PCDH15: variants seen among roughly 807,000 people sequenced by gnomAD.
PCDH15 encodes the protein protocadherin-15.
Under a neutral mutation model 178.5 loss-of-function variants are expected in PCDH15, and 129 were observed. The observed-to-expected ratio is 0.72, with a 90% CI of 0.63 to 0.84. The LOEUF (loss-of-function observed/expected upper bound fraction) is 0.84. PCDH15 is among the 40% of genes least tolerant of loss of function. The pLI, the probability that PCDH15 is intolerant of heterozygous loss-of-function variation, is 0.00. For synonymous variants in PCDH15, 800 were observed against 732.0 expected (o/e 1.09, Z -1.50); for missense variants, 2,230 against 2,099.9 (o/e 1.06, Z -1.21).
At chr10:54,341,287 G>A (rs1285222271) in intron 6 of PCDH15, among the ~76,000 whole-genome samples, 2 of 152,094 alleles carry the variant, frequency 1.3e-5, no homozygotes, top group African/African-American at 2.4e-5. Context: ...ACTGGTTTAT[G>A]GGGGCAGTTT....
chr10:55,215,509 T>C (rs750167787), intron 1 of PCDH15, among the ~76,000 whole-genome samples: 14 of 152,064 alleles, frequency 9.2e-5, no homozygotes, highest in Non-Finnish European at 1.6e-4. Flanking sequence ...CTTGTTAATT[T>C]AGTACTAAGC....
At chr10:54,370,879 A>G (rs1185656694) in intron 4 of PCDH15, among the ~76,000 whole-genome samples, 2 of 151,882 alleles carry the variant, frequency 1.3e-5, no homozygotes, top group African/African-American at 4.8e-5. Flanking sequence ...GCCAACAAAG[A>G]AAAAGAAAGT....
chr10:55,192,215 T>C lies in PCDH15; in HGVS notation c.-155-25564A>G, dbSNP rs568837250. 1.3e-3 allele frequency among the ~76,000 whole-genome samples: 205 copies of C among 151,966 alleles called. 1 individual carries two copies. The highest frequency in any genetic ancestry group is 4.8e-3 in the African/African-American group (198 of 41,462). Reference sequence around the variant, plus strand: ...ATTTCTTCAGAGACAGGATGAAATTTGTAAATTTTATTTCCTCTGTCTCTT... The same window carrying C: ...ATTTCTTCAGAGACAGGATGAAATTCGTAAATTTTATTTCCTCTGTCTCTT... On this transcript the variant is annotated intron_variant, in intron 1 of 5. Transcript: ENST00000458638.
In PCDH15 at chr10:54,757,590, T is replaced by G. The variant is rs939170693; in HGVS notation, c.-29+43335A>C. ...GCCACCGCGCCCGGCCAATTCTACC[T>G]TCTTAAAAATTGGCTTTCCTTTAGA... is the stretch of plus-strand genomic sequence containing the variant. On this transcript the variant is annotated intron_variant, in intron 1 of 37. Coordinates refer to ENST00000644397, the MANE Select transcript of PCDH15 (RefSeq NM_001384140.1). 4.6e-5 allele frequency among the ~76,000 whole-genome samples: 7 copies of G among 152,116 alleles called. 2 individuals are homozygous for G. Among genetic ancestry groups the G allele is most frequent in the African/African-American group, 1.2e-4 (5 of 41,416 alleles).
chr10:54,159,386 G>T (rs1265930470), intron 13 of PCDH15, among the ~76,000 whole-genome samples: 1 of 152,054 alleles, frequency 6.6e-6, no homozygotes, highest in Non-Finnish European at 1.5e-5. Context: ...GTCTTCATTG[G>T]ATGTACCTAA....
At chr10:54,151,560 A>G (rs916022743) in intron 14 of PCDH15, among the ~76,000 whole-genome samples, 4 of 152,106 alleles carry the variant, frequency 2.6e-5, no homozygotes, top group Non-Finnish European at 2.9e-5. Context: ...ATGTAAAAGA[A>G]AAAAAGCCTA....
intron 28 of PCDH15, among the ~76,000 whole-genome samples, chr10:53,852,236 G>T (rs1021902615): frequency 6.6e-6 from 1 of 151,874 alleles, no homozygotes. Context: ...GTAGTTACGT[G>T]TCCCTACTGT....
At chr10:54,706,845 A>G (rs2095370421) in intron 1 of PCDH15, among the ~76,000 whole-genome samples, 1 of 151,838 alleles carries the variant, frequency 6.6e-6, no homozygotes, top group Admixed American at 6.6e-5. Context: ...CTGGTCTCAC[A>G]CTCCTGACCT....
In PCDH15 at chr10:54,159,539, G is replaced by T. The variant is rs537182340; in HGVS notation, c.1591-6246C>A. ...CATATTTTAAATGCTAATTTATTTT[G>T]AAATTATGTCTTTCAACCGTAAGAA... On this transcript the variant is annotated intron_variant, in intron 13 of 37. Transcript: ENST00000644397. 1.2e-3 allele frequency among the ~76,000 whole-genome samples: 182 copies of T among 152,194 alleles called. 2 individuals carry two copies. The highest frequency in any genetic ancestry group is 1.6e-3 in the Non-Finnish European group (107 of 68,012).
chr10:53,904,833 T>C (rs552621114), intron 25 of PCDH15, among the ~76,000 whole-genome samples: 1 of 152,298 alleles, frequency 6.6e-6, no homozygotes, highest in South Asian at 2.1e-4. Context: ...AAAGGAATTT[T>C]AGAATATGTC....
At chr10:55,213,426 A>G (rs1023771699) in intron 1 of PCDH15, among the ~76,000 whole-genome samples, 1 of 151,998 alleles carries the variant, frequency 6.6e-6, no homozygotes, top group Non-Finnish European at 1.5e-5. Flanking sequence ...TAAAACAGTT[A>G]CCAGGGGTGT....
rs1225584413 is a variant in PCDH15, at chr10:54,842,942, G to A, written c.-29+54508C>T. On this transcript the variant is annotated intron_variant, in intron 3 of 5. Coordinates refer to the PCDH15 transcript ENST00000458638. Reference sequence around the variant, plus strand: ...GGGAGGAAAATAAAAAGAAATAAGTGTCATCGTATGTTAATGTAATGAAAA... The same window carrying A: ...GGGAGGAAAATAAAAAGAAATAAGTATCATCGTATGTTAATGTAATGAAAA... Among the ~76,000 whole-genome samples, 10 of 151,942 alleles carry A rather than the reference G, an allele frequency of 6.6e-5. No homozygotes were observed. In the South Asian group the frequency reaches 2.1e-3, roughly 32 times the overall value.
At chr10:53,891,806 A>T (rs2081572405) in intron 26 of PCDH15, among the ~76,000 whole-genome samples, 2 of 151,506 alleles carry the variant, frequency 1.3e-5, no homozygotes, top group South Asian at 2.1e-4. Context: ...TAAAAAAAAA[A>T]AAAAAATACA....
intron 28 of PCDH15, among the ~76,000 whole-genome samples, chr10:53,852,367 A>G (rs577058896): frequency 1.4e-4 from 21 of 152,270 alleles, no homozygotes; most frequent in Admixed American, 1.3e-3. Context: ...CAGATATTCA[A>G]GGGTATCTGT....
rs1397555638 is a variant in PCDH15 at position 53,806,786 on chromosome 10, T to G, written c.5016A>C (p.Thr1672=). 3.1e-6 allele frequency: 5 copies of G among 1,613,836 alleles called. No individual in the cohort carries two copies. The East Asian group carries it at 8.9e-5, about 29-fold the overall frequency. ...CAGTCCCCACAGGGCAAGGGGCAAATGTAACCAGAGTTGGTCTTGCATTCA... is the reference window on the plus strand; with the variant it reads ...CAGTCCCCACAGGGCAAGGGGCAAAGGTAACCAGAGTTGGTCTTGCATTCA... The part of the protein sequence containing the change: ...EKMNARPTLV[T]FAPCPVGTDN... Residue 1672 remains threonine, a synonymous_variant, in exon 38 of 38, where the codon ACA becomes ACC. Coordinates refer to ENST00000644397, the MANE Select transcript of PCDH15 (RefSeq NM_001384140.1).
intron 3 of PCDH15, among the ~76,000 whole-genome samples, chr10:54,841,409 T>G (rs1268682373): frequency 2.0e-5 from 3 of 151,806 alleles, no homozygotes; most frequent in Non-Finnish European, 4.4e-5. Flanking sequence ...CAGCAAAAGC[T>G]GTCCTAAGAA....
At chr10:55,203,723 T>C (rs1840315874) in intron 1 of PCDH15, among the ~76,000 whole-genome samples, 1 of 152,126 alleles carries the variant, frequency 6.6e-6, no homozygotes, top group African/African-American at 2.4e-5. Flanking sequence ...AGATTGGACA[T>C]TTCCAAAACT....
At chr10:54,007,239 T>A (rs1430085570) in intron 20 of PCDH15, among the ~76,000 whole-genome samples, 1 of 152,206 alleles carries the variant, frequency 6.6e-6, no homozygotes, top group Non-Finnish European at 1.5e-5. Context: ...ACTCTGGATC[T>A]TTTAAAATTG....
chr10:54,869,225 A>G (rs967515239), intron 3 of PCDH15: 2 of 152,148 alleles, frequency 1.3e-5, no homozygotes, highest in Non-Finnish European at 2.9e-5. Flanking sequence ...CAGGGATTGG[A>G]GTTATGCAGC....
Sources: gnomAD v4.1 joint callset for allele counts (sites outside exome capture counted in the v4.1 genomes callset) on GRCh38, gnomAD v4.1.1 for gene constraint, MANE v1.5 for transcripts, NCBI Gene and HGNC (gene_info 2026-07-23, HGNC 2026-07-21) for gene names.